CSDC2: variants seen among roughly 807,000 people sequenced by gnomAD.
The protein encoded by CSDC2 is cold shock domain-containing protein C2.
A neutral mutation model predicts 15.8 loss-of-function variants in CSDC2; 8 were observed. That is an observed-to-expected ratio of 0.51 (90% CI 0.30 to 0.92). The LOEUF (loss-of-function observed/expected upper bound fraction) is 0.92, where lower values mean the gene tolerates loss of function less well. Ranked by LOEUF, CSDC2 falls within the 40% of genes least tolerant of loss-of-function variation. CSDC2 has a pLI of 0.07. For missense variants in CSDC2, 195 were observed against 213.3 expected (o/e 0.91, Z 0.53); for synonymous variants, 96 against 92.3 (o/e 1.04, Z -0.23).
chr22:41,574,512 G>A (rs569470250), intron 3 of CSDC2, among the ~76,000 whole-genome samples: 6 of 152,316 alleles, frequency 3.9e-5, no homozygotes, highest in Admixed American at 1.3e-4. Context: ...TGATCCGCCC[G>A]CCTCAGACTC....
chr22:41,569,289 T>C (rs991779201), intron 1 of CSDC2, among the ~76,000 whole-genome samples: 1 of 152,376 alleles, frequency 6.6e-6, no homozygotes, highest in East Asian at 1.9e-4. Flanking sequence ...ATATCGTTCA[T>C]ATACCATAAA....
chr22:41,571,542 G>A (rs186925728), intron 1 of CSDC2, among the ~76,000 whole-genome samples: 1 of 152,254 alleles, frequency 6.6e-6, no homozygotes, highest in African/African-American at 2.4e-5. Context: ...CCAGATGTGT[G>A]ACTCTGAAAC....
chr22:41,569,348 G>C (rs930575973), intron 1 of CSDC2, among the ~76,000 whole-genome samples: 1 of 152,184 alleles, frequency 6.6e-6, no homozygotes, highest in African/African-American at 2.4e-5. Flanking sequence ...TACATTCACA[G>C]AGTTGTGCAG....
chr22:41,566,464 A>AAAAC (rs2067115313), intron 1 of CSDC2, among the ~76,000 whole-genome samples: 1 of 148,296 alleles, frequency 6.7e-6, no homozygotes, highest in African/African-American at 2.5e-5. Context: ...AAAAAAAAAA[A>AAAAC]AAACACACAA....
intron 1 of CSDC2, among the ~76,000 whole-genome samples, chr22:41,566,969 G>C (rs1403149454): frequency 1.3e-5 from 2 of 151,726 alleles, no homozygotes; most frequent in South Asian, 4.2e-4. Flanking sequence ...CTGGGTTGCA[G>C]TGGAACAAGG....
chr22:41,565,076 G>A (rs5996036), intron 1 of CSDC2, among the ~76,000 whole-genome samples: 104 of 152,162 alleles, frequency 6.8e-4, no homozygotes, highest in African/African-American at 2.5e-3. Flanking sequence ...TGAGGCAGGA[G>A]AATCACTTGA....
rs556781938 is a variant in CSDC2 at position 41,573,473 on chromosome 22, C to T, written c.177-182C>T. Among the ~76,000 whole-genome samples, 5 of 152,218 alleles carry T rather than the reference C, an allele frequency of 3.3e-5. No individual in the cohort carries two copies. The East Asian group carries it at 9.7e-4, about 29-fold the overall frequency. The stretch of plus-strand genomic sequence containing the variant: ...TCAGCCTCCCAAAGTGCTGGGATTA[C>T]AGGTGTGAGCCACCGTGCCTGGCCT... On this transcript the variant is annotated intron_variant, in intron 2 of 3. Coordinates refer to ENST00000306149, the MANE Select transcript of CSDC2 (RefSeq NM_014460.4).
In CSDC2 at chr22:41,571,828, T is replaced by C. The variant is rs2067146455; in HGVS notation, c.-123-15T>C. ...CTGGACTAGGCTCACCTGTGCCTCT[T>C]TCTTCCTCTTCCAGACGGAGCCCGT... On this transcript the variant is annotated splice_polypyrimidine_tract_variant and intron_variant, in intron 1 of 3. Coordinates refer to ENST00000306149, the MANE Select transcript of CSDC2 (RefSeq NM_014460.4). 2.0e-6 allele frequency: 1 copy of C among 495,022 alleles called. No individual in the cohort carries two copies. Among genetic ancestry groups the C allele is most frequent in the African/African-American group, 2.0e-5 (1 of 49,910 alleles). The allele number at this position is 495,022 out of a possible 1,614,324, so 30.7% of individuals were successfully genotyped here.
intron 1 of CSDC2, among the ~76,000 whole-genome samples, chr22:41,562,560 A>G (rs1253833726): frequency 6.6e-6 from 1 of 151,638 alleles, no homozygotes; most frequent in Admixed American, 6.6e-5. Flanking sequence ...CCTGAGGGGG[A>G]CTTGGGGACA....
At chr22:41,565,563 C>T (rs377141829) in intron 1 of CSDC2, among the ~76,000 whole-genome samples, 3 of 152,196 alleles carry the variant, frequency 2.0e-5, no homozygotes, top group East Asian at 1.9e-4. Context: ...CACTGCACTC[C>T]GGCCTGGGTG....
chr22:41,571,902 A>C lies in CSDC2; in HGVS notation c.-64A>C. ...GCCAGGCCGGGCCCTGCCCGCAAGG[A>C]CGACCAAACCCCTCACCGGCCCCTG... On this transcript the variant is annotated 5_prime_UTR_variant, in exon 2 of 4. Coordinates refer to ENST00000306149, the MANE Select transcript of CSDC2 (RefSeq NM_014460.4). The C allele has an allele frequency of 8.8e-7, 1 of 1,137,424 alleles. No individual in the cohort carries two copies. The highest frequency in any genetic ancestry group is 1.1e-6 in the Non-Finnish European group (1 of 871,622). 70.5% of individuals were successfully genotyped at this position (1,137,424 alleles called of 1,614,324 possible).
intron 1 of CSDC2, among the ~76,000 whole-genome samples, chr22:41,566,893 C>T (rs934455045): frequency 6.6e-6 from 1 of 150,600 alleles, no homozygotes; most frequent in African/African-American, 2.5e-5. Context: ...CGCCACTGCA[C>T]TCCAGCCTGG....
rs1215897090 is a variant in CSDC2, at chr22:41,576,369, G to A, written c.*1474G>A. ...GCTCCCCTAAAATGGGCACGGCCCA[G>A]CCTGTCCCATGAGGAATAAAGGCCC... is the stretch of plus-strand genomic sequence containing the variant. On this transcript the variant is annotated 3_prime_UTR_variant, in exon 4 of 4. Coordinates refer to ENST00000306149, the MANE Select transcript of CSDC2 (RefSeq NM_014460.4). 2 of 152,262 alleles carry A rather than the reference G, an allele frequency of 1.3e-5. No individual in the cohort carries two copies. Among genetic ancestry groups the A allele is most frequent in the African/African-American group, 4.8e-5 (2 of 41,456 alleles). The allele number at this position is 152,262 out of a possible 1,614,324, so 9.4% of individuals were successfully genotyped here.
At chr22:41,573,481 A>G (rs1427516894) in intron 2 of CSDC2, among the ~76,000 whole-genome samples, 174 bp from the exon 3 acceptor site, 1 of 151,974 alleles carries the variant, frequency 6.6e-6, no homozygotes, top group Non-Finnish European at 1.5e-5. Flanking sequence ...TACAGGTGTG[A>G]GCCACCGTGC....
intron 1 of CSDC2, among the ~76,000 whole-genome samples, chr22:41,561,600 G>T (rs1028468321): frequency 1.3e-5 from 2 of 152,234 alleles, no homozygotes; most frequent in African/African-American, 4.8e-5. Flanking sequence ...CCTTCCCCTG[G>T]AATGTTGGGC....
intron 1 of CSDC2, among the ~76,000 whole-genome samples, chr22:41,566,771 C>CA (rs2067118037): frequency 1.3e-5 from 2 of 150,676 alleles, no homozygotes; most frequent in Admixed American, 1.3e-4. Context: ...ACTAAAAATA[C>CA]AAAAAATTAG....
intron 3 of CSDC2, among the ~76,000 whole-genome samples, 198 bp from the exon 4 acceptor site, chr22:41,574,535 G>A (rs973925170): frequency 1.3e-5 from 2 of 152,242 alleles, no homozygotes; most frequent in Non-Finnish European, 2.9e-5. Flanking sequence ...AAAGTGCTGG[G>A]ATTACAGGCG....
At position 41,575,102 on chromosome 22, in the gene CSDC2, A is replaced by T. The variant is rs566023349; in HGVS notation, c.*207A>T. 18 of 641,522 alleles carry T rather than the reference A, an allele frequency of 2.8e-5. No homozygotes were observed. The highest frequency in any genetic ancestry group is 4.8e-5 in the Non-Finnish European group (18 of 378,702). 39.7% of individuals were successfully genotyped at this position (641,522 alleles called of 1,614,324 possible). On this transcript the variant is annotated 3_prime_UTR_variant, in exon 4 of 4. Coordinates refer to ENST00000306149, the MANE Select transcript of CSDC2 (RefSeq NM_014460.4). Reference sequence around the variant, plus strand: ...GTGACTACTGTGCAAGCTGGCCAGGAGGTAGGTGGAGGGCAAGGCCACCAG... The same window carrying T: ...GTGACTACTGTGCAAGCTGGCCAGGTGGTAGGTGGAGGGCAAGGCCACCAG...
At chr22:41,574,620 A>G in intron 3 of CSDC2, 113 bp from the exon 4 acceptor site, 1 of 1,286,744 alleles carries the variant, frequency 7.8e-7, no homozygotes, top group Non-Finnish European at 1.1e-6. Flanking sequence ...AGGCCTGGCC[A>G]GGCCTCCTGG....
Sources: allele counts gnomAD v4.1 joint callset (sites outside exome capture counted in the v4.1 genomes callset), GRCh38; gene constraint gnomAD v4.1.1; transcripts MANE v1.5; gene names NCBI Gene and HGNC (gene_info 2026-07-23, HGNC 2026-07-21).